Variants in SEC31A observed in about 807,000 individuals in gnomAD.
SEC31A encodes the protein SEC31 homolog A, COPII component.
SEC31A carries 70 observed loss-of-function variants against 151.0 expected under a neutral mutation model. The observed-to-expected ratio is 0.46, with a 90% CI of 0.38 to 0.57. SEC31A has a LOEUF of 0.57. Among genes scored for constraint, SEC31A ranks in the 20% least tolerant of loss-of-function variants. The probability of loss-of-function intolerance (pLI) is 0.00; values close to 1 mark genes in which losing one functional copy is unlikely to be tolerated. For missense variants in SEC31A, 1,330 were observed against 1,471.2 expected, an observed-to-expected ratio of 0.90 and a Z score of 1.57; for synonymous variants, 475 against 505.9, an observed-to-expected ratio of 0.94 and a Z score of 0.82.
At chr4:82,869,649 A>AT (rs1214557148) in intron 8 of SEC31A, among the ~76,000 whole-genome samples, 1 of 152,000 alleles carries the variant, frequency 6.6e-6, no homozygotes, top group Non-Finnish European at 1.5e-5. Flanking sequence ...ATGCGGTAAA[A>AT]TTTATTAATT....
At chr4:82,834,969 C>T (rs2149110512) in intron 22 of SEC31A, among the ~76,000 whole-genome samples, 2 of 152,292 alleles carry the variant, frequency 1.3e-5, no homozygotes, top group East Asian at 3.9e-4. Context: ...CCTTAGCCTC[C>T]TGAGTAGCTG....
chr4:82,865,326 A>G lies in SEC31A; in HGVS notation c.1198-728T>C, dbSNP rs184756085. Among the ~76,000 whole-genome samples, 787 of 152,220 alleles carry G rather than the reference A, an allele frequency of 5.2e-3. 9 individuals carry two copies. Among genetic ancestry groups the G allele is most frequent in the African/African-American group, 0.018 (746 of 41,530 alleles). On this transcript the variant is annotated intron_variant, in intron 10 of 26. Coordinates refer to ENST00000395310, the MANE Select transcript of SEC31A (RefSeq NM_001077207.4). Reference sequence around the variant, plus strand: ...GAGAATGTAAAATGGTAAAACGGCTATAAAATGGTATGGAGGTTCTTCAAA... The same window carrying G: ...GAGAATGTAAAATGGTAAAACGGCTGTAAAATGGTATGGAGGTTCTTCAAA...
At chr4:82,853,102 T>C (rs1459259524) in intron 18 of SEC31A, among the ~76,000 whole-genome samples, 2 of 152,220 alleles carry the variant, frequency 1.3e-5, no homozygotes, top group Non-Finnish European at 2.9e-5. Context: ...AGAAGGGTAC[T>C]GGTTTATGGC....
chr4:82,846,245 C>G (rs1013741689), intron 20 of SEC31A, among the ~76,000 whole-genome samples: 6 of 151,130 alleles, frequency 4.0e-5, no homozygotes, highest in Admixed American at 3.9e-4. Context: ...CCTCGTGATC[C>G]GCCCGCCTCA....
At chr4:82,821,359 C>A in intron 25 of SEC31A, 2 of 344,418 alleles carry the variant, frequency 5.8e-6, no homozygotes, top group Non-Finnish European at 1.1e-5. Flanking sequence ...CCAGCCTGGT[C>A]AACATGGTGA....
chr4:82,889,712 G>C (rs1466315), intron 1 of SEC31A, among the ~76,000 whole-genome samples: 1 of 151,882 alleles, frequency 6.6e-6, no homozygotes, highest in African/African-American at 2.4e-5. Context: ...CCATGTTATT[G>C]GTTTCAATAA....
At chr4:82,825,537 C>T (rs138963962) in intron 24 of SEC31A, among the ~76,000 whole-genome samples, 96 of 152,094 alleles carry the variant, frequency 6.3e-4, no homozygotes, top group Non-Finnish European at 1.1e-3. Flanking sequence ...GCATTCCAGA[C>T]GAAAGGAATA....
intron 14 of SEC31A, among the ~76,000 whole-genome samples, chr4:82,861,178 A>G (rs1275009483): frequency 6.6e-6 from 1 of 152,140 alleles, no homozygotes; most frequent in African/African-American, 2.4e-5. Context: ...GGACACATTT[A>G]TTGAAAATCA....
intron 25 of SEC31A, among the ~76,000 whole-genome samples, chr4:82,822,772 G>A (rs373898122): frequency 3.3e-5 from 5 of 152,082 alleles, no homozygotes; most frequent in Non-Finnish European, 5.9e-5. Context: ...TTGGGAGTTC[G>A]AGACCAGCCT....
chr4:82,847,576 T>C (rs1482668785), intron 20 of SEC31A, among the ~76,000 whole-genome samples: 1 of 152,200 alleles, frequency 6.6e-6, no homozygotes. Context: ...GGAGTTCTAA[T>C]CCCAACTTGG....
intron 22 of SEC31A, among the ~76,000 whole-genome samples, chr4:82,829,633 TA>T: frequency 6.6e-6 from 1 of 151,904 alleles, no homozygotes; most frequent in South Asian, 2.1e-4. Flanking sequence ...ATAAGCAAAG[TA>T]AAAAAGGGTA....
At chr4:82,845,295 T>C (rs1466440974) in intron 20 of SEC31A, 4 of 1,461,796 alleles carry the variant, frequency 2.7e-6, no homozygotes, top group Non-Finnish European at 3.6e-6. Flanking sequence ...AATTCTAACC[T>C]GAATTGAACA....
intron 25 of SEC31A, among the ~76,000 whole-genome samples, chr4:82,822,708 T>C (rs748683472): frequency 6.6e-6 from 1 of 152,162 alleles, no homozygotes; most frequent in African/African-American, 2.4e-5. Context: ...GTGCGGTGGC[T>C]CATGCCTGTA....
intron 21 of SEC31A, 55 bp downstream of exon 21, chr4:82,844,331 A>T (rs958942792): frequency 1.1e-5 from 18 of 1,572,190 alleles, no homozygotes; most frequent in Non-Finnish European, 1.6e-5. Flanking sequence ...AAGTAAAGTT[A>T]CTAAATTAGA....
At chr4:82,883,270 C>G (rs1739807926) in intron 1 of SEC31A, among the ~76,000 whole-genome samples, 1 of 152,156 alleles carries the variant, frequency 6.6e-6, no homozygotes, top group African/African-American at 2.4e-5. Context: ...CCAACAAACA[C>G]CTAAGCTGTT....
At position 82,841,442 on chromosome 4, in the gene SEC31A, T is replaced by TTATA. The variant is rs58373170; in HGVS notation, c.2968+694_2968+697dup. Among the ~76,000 whole-genome samples the TTATA allele has an allele frequency of 4.1e-3, 267 of 64,426 alleles. 14 individuals are homozygous for TTATA. The highest frequency in any genetic ancestry group is 8.6e-3 in the African/African-American group (220 of 25,708). 42.3% of individuals were successfully genotyped at this position (64,426 alleles called of 152,430 possible). On this transcript the variant is annotated intron_variant, in intron 22 of 26. Transcript: ENST00000395310. ...CATCTCAAAAAAGAAAAAAAAAATT[T>TTATA]TATATATATATATATATATATATAT...
intron 14 of SEC31A, among the ~76,000 whole-genome samples, chr4:82,860,322 T>G (rs996476855): frequency 1.3e-5 from 2 of 152,208 alleles, no homozygotes; most frequent in African/African-American, 4.8e-5. Context: ...CATTGATGAC[T>G]ACTATTTCAT....
intron 18 of SEC31A, among the ~76,000 whole-genome samples, chr4:82,851,846 G>A (rs773333993): frequency 5.3e-5 from 8 of 152,190 alleles, no homozygotes; most frequent in Admixed American, 2.0e-4. Context: ...ATATCCTTAA[G>A]CTACCAGATA....
At chr4:82,893,761 A>G (rs1011132591), upstream of SEC31A, 1 of 152,214 alleles carries the variant, frequency 6.6e-6, no homozygotes, top group African/African-American at 2.4e-5. Flanking sequence ...AAAAAATATA[A>G]ACTATATTTT....
Sources: allele counts gnomAD v4.1 joint callset (sites outside exome capture counted in the v4.1 genomes callset), GRCh38; gene constraint gnomAD v4.1.1; transcripts MANE v1.5; gene names NCBI Gene and HGNC (gene_info 2026-07-23, HGNC 2026-07-21).